The following CTNNA3 variants were observed in gnomAD, a reference collection of about 807,000 sequenced individuals.
CTNNA3 encodes the protein catenin alpha 3.
CTNNA3 carries 76 observed loss-of-function variants against 95.7 expected under a neutral mutation model. That is an observed-to-expected ratio of 0.79 (90% CI 0.66 to 0.96). CTNNA3 has a LOEUF of 0.96. Ranked by LOEUF, CTNNA3 falls within the 40% of genes least tolerant of loss-of-function variation. The pLI, the probability that CTNNA3 is intolerant of heterozygous loss-of-function variation, is 0.00. For missense variants in CTNNA3, 1,191 were observed against 1,089.8 expected, an observed-to-expected ratio of 1.09 and a Z score of -1.31; for synonymous variants, 431 against 374.4, an observed-to-expected ratio of 1.15 and a Z score of -1.74.
intron 11 of CTNNA3, among the ~76,000 whole-genome samples, chr10:66,391,545 C>T (rs1044235466): frequency 4.0e-5 from 6 of 151,786 alleles, no homozygotes; most frequent in Non-Finnish European, 7.4e-5. Flanking sequence ...CTATTAGTGT[C>T]GATCAGGATA....
At chr10:66,486,473 A>C (rs1265213437) in intron 11 of CTNNA3, among the ~76,000 whole-genome samples, 1 of 152,156 alleles carries the variant, frequency 6.6e-6, no homozygotes, top group Non-Finnish European at 1.5e-5. Flanking sequence ...AAGGAAAGGC[A>C]GATCAAAGCC....
At chr10:66,635,166 A>G (rs953161951) in intron 9 of CTNNA3, among the ~76,000 whole-genome samples, 2 of 152,140 alleles carry the variant, frequency 1.3e-5, no homozygotes, top group Non-Finnish European at 2.9e-5. Flanking sequence ...CTCAAAGGAT[A>G]AAAGTATGTG....
At chr10:66,962,556 C>T (rs993622524) in intron 7 of CTNNA3, among the ~76,000 whole-genome samples, 1 of 151,798 alleles carries the variant, frequency 6.6e-6, no homozygotes, top group Non-Finnish European at 1.5e-5. Context: ...ATTACAGGCA[C>T]GTGCCACCAC....
chr10:66,524,286 G>A (rs897427623), intron 10 of CTNNA3, among the ~76,000 whole-genome samples: 1 of 87,680 alleles, frequency 1.1e-5, no homozygotes, highest in African/African-American at 3.9e-5. Flanking sequence ...TCCATTATAG[G>A]AGGGACTATG....
chr10:67,642,120 G>T (rs1357124107), intron 2 of CTNNA3, among the ~76,000 whole-genome samples: 1 of 152,056 alleles, frequency 6.6e-6, no homozygotes, highest in African/African-American at 2.4e-5. Flanking sequence ...CAGGACATAG[G>T]CAAAGGCAAA....
At chr10:66,027,140 G>A (rs1407451770) in intron 15 of CTNNA3, among the ~76,000 whole-genome samples, 3 of 152,042 alleles carry the variant, frequency 2.0e-5, no homozygotes, top group Non-Finnish European at 4.4e-5. Flanking sequence ...TTCTGAGTTT[G>A]CTATGGCTCT....
intron 2 of CTNNA3, among the ~76,000 whole-genome samples, chr10:67,616,226 T>C (rs896941910): frequency 2.0e-5 from 3 of 152,152 alleles, no homozygotes; most frequent in African/African-American, 7.2e-5. Context: ...AGGCACCAAA[T>C]TGTGCAGGAC....
chr10:67,621,724 A>G (rs7901777), intron 2 of CTNNA3, among the ~76,000 whole-genome samples: 19,830 of 149,952 alleles, frequency 0.13, 2,368 homozygotes, highest in African/African-American at 0.32. Context: ...ACTCCAGCCT[A>G]GGCAACACAG....
chr10:66,758,755 T>C (rs1175734693), intron 9 of CTNNA3, among the ~76,000 whole-genome samples: 1 of 152,040 alleles, frequency 6.6e-6, no homozygotes, highest in Non-Finnish European at 1.5e-5. Flanking sequence ...GCCAACATAG[T>C]GAAACCTCAT....
At chr10:66,121,901 G>A (rs1294680127) in intron 13 of CTNNA3, among the ~76,000 whole-genome samples, 7 of 152,294 alleles carry the variant, frequency 4.6e-5, no homozygotes, top group Admixed American at 1.3e-4. Context: ...TAGACAACCA[G>A]TAAAATTGTT....
At chr10:66,465,271 G>C (rs1465147054) in intron 11 of CTNNA3, among the ~76,000 whole-genome samples, 1 of 152,068 alleles carries the variant, frequency 6.6e-6, no homozygotes, top group Non-Finnish European at 1.5e-5. Context: ...ATCCCTCTTG[G>C]GGGATCACTG....
intron 13 of CTNNA3, among the ~76,000 whole-genome samples, chr10:66,257,780 A>C (rs1342561501): frequency 6.6e-6 from 1 of 152,198 alleles, no homozygotes; most frequent in African/African-American, 2.4e-5. Flanking sequence ...TTTTAGCTGT[A>C]AAGGAATCAG....
intron 11 of CTNNA3, among the ~76,000 whole-genome samples, chr10:66,477,036 T>C (rs1839352056): frequency 6.6e-6 from 1 of 152,160 alleles, no homozygotes. Flanking sequence ...TGATATTTTA[T>C]TACAATTGGC....
intron 9 of CTNNA3, among the ~76,000 whole-genome samples, chr10:66,681,135 A>C (rs1805940124): frequency 6.6e-6 from 1 of 152,160 alleles, no homozygotes; most frequent in African/African-American, 2.4e-5. Context: ...GATGTATCGG[A>C]TGTGATGTGA....
At chr10:66,024,841 C>T (rs143046620) in intron 15 of CTNNA3, among the ~76,000 whole-genome samples, 1 of 152,242 alleles carries the variant, frequency 6.6e-6, no homozygotes, top group East Asian at 1.9e-4. Context: ...ATCAGTGATA[C>T]AGAGAGCAGA....
In CTNNA3 at chr10:66,572,648, A is replaced by G. The variant is rs528114246; in HGVS notation, c.1374+49044T>C. Among the ~76,000 whole-genome samples the G allele has an allele frequency of 1.1e-4, 16 of 152,248 alleles. 1 individual carries two copies. In the East Asian group the frequency reaches 3.1e-3, roughly 29 times the overall value. ...AAGTTTGAATTTTAACTGGGGAGGA[A>G]AAAAGATAAAGAAAACTTCACAGAT... On this transcript the variant is annotated intron_variant, in intron 10 of 17. Transcript: ENST00000433211.
At position 66,634,540 on chromosome 10, in the gene CTNNA3, A is replaced by G. The variant is rs564882771; in HGVS notation, c.1282-12756T>C. ...ATATTGATCTTAATAATGAATTTAA[A>G]TTCAACATGTTTGGAAAGGTACTCT... On this transcript the variant is annotated intron_variant, in intron 9 of 17. Transcript: ENST00000433211. 4.0e-4 allele frequency among the ~76,000 whole-genome samples: 61 copies of G among 151,114 alleles called. 1 individual carries two copies. The highest frequency in any genetic ancestry group is 7.8e-4 in the Non-Finnish European group (53 of 67,884).
intron 5 of CTNNA3, among the ~76,000 whole-genome samples, chr10:67,445,410 T>C (rs1217449928): frequency 6.7e-6 from 1 of 148,678 alleles, no homozygotes; most frequent in Non-Finnish European, 1.5e-5. Flanking sequence ...AAAAAAGACC[T>C]GTTGATCTGT....
chr10:67,568,788 T>C (rs1008722913), intron 3 of CTNNA3, among the ~76,000 whole-genome samples: 3 of 152,126 alleles, frequency 2.0e-5, no homozygotes, highest in Non-Finnish European at 2.9e-5. Flanking sequence ...AGGACTTAGG[T>C]GAAATGTTTG....
Sources: gnomAD v4.1 joint callset for allele counts (sites outside exome capture counted in the v4.1 genomes callset) on GRCh38, gnomAD v4.1.1 for gene constraint, MANE v1.5 for transcripts, NCBI Gene and HGNC (gene_info 2026-07-23, HGNC 2026-07-21) for gene names.